SMOC1: variants seen among roughly 807,000 people sequenced by gnomAD.
The protein encoded by SMOC1 is SPARC related modular calcium binding 1, also known as SPARC-related modular calcium-binding protein 1.
SMOC1 carries 22 observed loss-of-function variants against 56.3 expected under a neutral mutation model. The observed-to-expected ratio is 0.39, with a 90% CI of 0.28 to 0.56. SMOC1 has a LOEUF of 0.56. SMOC1 is among the 20% of genes least tolerant of loss of function. The pLI, the probability that SMOC1 is intolerant of heterozygous loss-of-function variation, is 0.61. For synonymous variants in SMOC1, 193 were observed against 215.0 expected, an observed-to-expected ratio of 0.90 and a Z score of 0.89; for missense variants, 509 against 565.4, an observed-to-expected ratio of 0.90 and a Z score of 1.01.
At chr14:69,884,946 T>C (rs1434369529) in intron 1 of SMOC1, among the ~76,000 whole-genome samples, 1 of 151,258 alleles carries the variant, frequency 6.6e-6, no homozygotes, top group Non-Finnish European at 1.5e-5. Context: ...AATTTTAGGG[T>C]TTTTTTTTCT....
intron 1 of SMOC1, among the ~76,000 whole-genome samples, chr14:69,902,667 G>C (rs1236753828): frequency 6.6e-6 from 1 of 152,220 alleles, no homozygotes; most frequent in East Asian, 1.9e-4. Flanking sequence ...CTGATGCCGA[G>C]CCGAAGCTGG....
intron 1 of SMOC1, among the ~76,000 whole-genome samples, chr14:69,888,141 A>C (rs1958078): frequency 0.77 from 117,172 of 152,014 alleles, 46,698 homozygotes; most frequent in East Asian, 1. Flanking sequence ...GATGAGAAAT[A>C]AATCGGAGCT....
chr14:69,910,032 C>T (rs1884516415), intron 1 of SMOC1, among the ~76,000 whole-genome samples: 1 of 152,216 alleles, frequency 6.6e-6, no homozygotes, highest in Non-Finnish European at 1.5e-5. Flanking sequence ...GACAGATCAT[C>T]TGCCTCTGCT....
intron 9 of SMOC1, among the ~76,000 whole-genome samples, chr14:70,011,792 G>T (rs552343398): frequency 6.6e-6 from 1 of 152,298 alleles, no homozygotes; most frequent in South Asian, 2.1e-4. Context: ...TGCAGTCATC[G>T]GGTTAAAATC....
chr14:69,965,133 T>TACAGCAC lies in SMOC1; in HGVS notation c.379-10582_379-10581insACAGCAC, dbSNP rs1385760199. The stretch of plus-strand genomic sequence containing the variant: ...TAGCGCACGCCTGTAATCCCAGCAC[T>TACAGCAC]TTGGGAGGCCGAGGTGGGTGAATCA... On this transcript the variant is annotated intron_variant, in intron 3 of 11. Coordinates refer to ENST00000361956, the MANE Select transcript of SMOC1 (RefSeq NM_001034852.3). 7.9e-5 allele frequency among the ~76,000 whole-genome samples: 12 copies of TACAGCAC among 152,206 alleles called. No individual in the cohort carries two copies. In the East Asian group the frequency reaches 2.3e-3, roughly 29 times the overall value.
chr14:69,921,329 G>A (rs1310582484), intron 1 of SMOC1, among the ~76,000 whole-genome samples: 1 of 152,206 alleles, frequency 6.6e-6, no homozygotes, highest in Non-Finnish European at 1.5e-5. Context: ...TATGTCTCAC[G>A]CAGTAGGCCT....
intron 10 of SMOC1, among the ~76,000 whole-genome samples, chr14:70,022,184 C>T (rs763716606): frequency 1.6e-4 from 25 of 152,196 alleles, no homozygotes; most frequent in Admixed American, 5.2e-4. Context: ...CCCAGGCAGC[C>T]CCTCTGTAAT....
At chr14:69,905,627 T>C (rs1035096445) in intron 1 of SMOC1, among the ~76,000 whole-genome samples, 2 of 151,988 alleles carry the variant, frequency 1.3e-5, no homozygotes, top group Admixed American at 1.3e-4. Context: ...CTAGAGACCA[T>C]GCGCATCTGA....
chr14:69,948,529 G>A (rs1471609968), intron 1 of SMOC1, among the ~76,000 whole-genome samples: 2 of 152,080 alleles, frequency 1.3e-5, no homozygotes, highest in South Asian at 4.2e-4. Context: ...CTCTCTCAGT[G>A]TAGAGCAATC....
chr14:69,945,550 C>A (rs1882747978), intron 1 of SMOC1, among the ~76,000 whole-genome samples: 1 of 152,160 alleles, frequency 6.6e-6, no homozygotes, highest in Non-Finnish European at 1.5e-5. Flanking sequence ...TCAGGTGGTA[C>A]CATGTGGAGC....
chr14:69,950,163 G>A (rs1325514912), intron 1 of SMOC1, among the ~76,000 whole-genome samples: 1 of 152,210 alleles, frequency 6.6e-6, no homozygotes, highest in African/African-American at 2.4e-5. Flanking sequence ...CAATTTCACT[G>A]TCCATTTGGA....
intron 1 of SMOC1, chr14:69,885,941 C>G (rs549847961): frequency 3.1e-6 from 5 of 1,594,928 alleles, no homozygotes; most frequent in African/African-American, 2.7e-5. Flanking sequence ...GAGGATGGCT[C>G]TCTGCCGCTG....
At chr14:70,006,126 G>C (rs1347577815) in intron 7 of SMOC1, among the ~76,000 whole-genome samples, 1 of 152,200 alleles carries the variant, frequency 6.6e-6, no homozygotes, top group African/African-American at 2.4e-5. Flanking sequence ...GAGAAGGAAA[G>C]AGGATGATAG....
chr14:70,001,908 A>G (rs144822583), intron 7 of SMOC1, among the ~76,000 whole-genome samples: 8 of 152,320 alleles, frequency 5.3e-5, no homozygotes, highest in Admixed American at 4.6e-4. Flanking sequence ...TTGACTGCCT[A>G]TATTGCCTCT....
At chr14:69,942,646 A>G (rs1427151025) in intron 1 of SMOC1, among the ~76,000 whole-genome samples, 1 of 152,136 alleles carries the variant, frequency 6.6e-6, no homozygotes, top group Admixed American at 6.5e-5. Context: ...GATGTCACAT[A>G]ATGGAATTAT....
intron 1 of SMOC1, among the ~76,000 whole-genome samples, chr14:69,882,453 T>C (rs934244724): frequency 6.6e-6 from 1 of 152,182 alleles, no homozygotes; most frequent in South Asian, 2.1e-4. Flanking sequence ...ATAAAATTCT[T>C]GACATTTGTT....
intron 7 of SMOC1, among the ~76,000 whole-genome samples, chr14:69,997,060 A>T (rs1380147667): frequency 6.6e-6 from 1 of 152,228 alleles, no homozygotes; most frequent in Non-Finnish European, 1.5e-5. Context: ...AATATTTATT[A>T]TCTGACCCTT....
At chr14:70,003,556 G>A (rs1301675667) in intron 7 of SMOC1, among the ~76,000 whole-genome samples, 1 of 152,188 alleles carries the variant, frequency 6.6e-6, no homozygotes, top group Non-Finnish European at 1.5e-5. Context: ...AGCAATAGAA[G>A]GGTTCTTGGA....
In SMOC1 at chr14:69,879,790, C is replaced by T. The variant is rs1883583944; in HGVS notation, c.99+13C>T. ...CACAGGCCCCAGGGTAAGTGCGCCCCCAGCTTTGCGCCCACCTGCGGAGGG... is the reference window on the plus strand; with the variant it reads ...CACAGGCCCCAGGGTAAGTGCGCCCTCAGCTTTGCGCCCACCTGCGGAGGG... On this transcript the variant is annotated intron_variant, in intron 1 of 11. Coordinates refer to ENST00000361956, the MANE Select transcript of SMOC1 (RefSeq NM_001034852.3). 6.3e-7 allele frequency: 1 copy of T among 1,578,086 alleles called. No homozygotes were observed. Among genetic ancestry groups the T allele is most frequent in the East Asian group, 2.3e-5 (1 of 43,164 alleles).
Sources: allele counts gnomAD v4.1 joint callset (sites outside exome capture counted in the v4.1 genomes callset), GRCh38; gene constraint gnomAD v4.1.1; transcripts MANE v1.5; gene names NCBI Gene and HGNC (gene_info 2026-07-23, HGNC 2026-07-21).